AGL: variants seen among roughly 807,000 people sequenced by gnomAD.
AGL encodes the protein glycogen debranching enzyme.
In AGL, 128 loss-of-function variants were observed where a neutral mutation model predicts 199.3. That is an observed-to-expected ratio of 0.64 (90% CI 0.56 to 0.74). AGL has a LOEUF of 0.74. AGL is among the 30% of genes least tolerant of loss of function. The probability of loss-of-function intolerance (pLI) is 0.00; values close to 1 mark genes in which losing one functional copy is unlikely to be tolerated. For missense variants in AGL, 1,809 were observed against 1,820.8 expected, an observed-to-expected ratio of 0.99 and a Z score of 0.12; for synonymous variants, 584 against 594.7, an observed-to-expected ratio of 0.98 and a Z score of 0.26.
In AGL at chr1:99,892,451, A is replaced by G. The variant is rs765807003; in HGVS notation, c.3103A>G (p.Thr1035Ala). Reference sequence around the variant, plus strand: ...TTACAGCTTTGTTCAGAATGGTTCAACCTTTGTGAAACACCTTTCATTGGG... The same window carrying G: ...TTACAGCTTTGTTCAGAATGGTTCAGCCTTTGTGAAACACCTTTCATTGGG... ...QMSSFVQNGS[T>A]FVKHLSLGSV... Residue 1035 changes from threonine (T) to alanine (A), a missense_variant, in exon 24 of 34, where the codon ACC (threonine) becomes GCC (alanine). By Grantham distance (58) the Thr-to-Ala change is moderately conservative (BLOSUM62 0). Transcript: ENST00000361915. 14 of 1,613,530 alleles carry G rather than the reference A, an allele frequency of 8.7e-6. No homozygotes were observed. The highest frequency in any genetic ancestry group is 1.6e-4 in the Middle Eastern group (1 of 6,080).
At chr1:99,896,967 C>T (rs1166240976) in intron 25 of AGL, among the ~76,000 whole-genome samples, 1 of 152,146 alleles carries the variant, frequency 6.6e-6, no homozygotes, top group African/African-American at 2.4e-5. Context: ...CAGGCGCCCG[C>T]CACCACGCCC....
chr1:99,885,874 T>A (rs1652413624), intron 20 of AGL, among the ~76,000 whole-genome samples: 1 of 152,178 alleles, frequency 6.6e-6, no homozygotes, highest in East Asian at 1.9e-4. Flanking sequence ...ATAAATGTAA[T>A]GCACTTGAAT....
At chr1:99,866,124 T>C (rs528464074) in intron 5 of AGL, among the ~76,000 whole-genome samples, 28 of 152,084 alleles carry the variant, frequency 1.8e-4, no homozygotes, top group Non-Finnish European at 3.5e-4. Context: ...TGTAAAAAAA[T>C]TGTAAAGGAA....
At chr1:99,909,161 G>A (rs1265280009) in intron 27 of AGL, among the ~76,000 whole-genome samples, 1 of 151,916 alleles carries the variant, frequency 6.6e-6, no homozygotes, top group Non-Finnish European at 1.5e-5. Flanking sequence ...CAGGAGAGGG[G>A]AGCACTGTCC....
At chr1:99,856,173 C>T (rs1472364471) in intron 2 of AGL, among the ~76,000 whole-genome samples, 2 of 152,142 alleles carry the variant, frequency 1.3e-5, no homozygotes, top group Non-Finnish European at 2.9e-5. Flanking sequence ...TCTGATGTTT[C>T]ATTTACTGTA....
In AGL at chr1:99,881,543, G is replaced by A. The variant is rs778526669; in HGVS notation, c.2160G>A (p.Val720=). 3 of 1,613,942 alleles carry A rather than the reference G, an allele frequency of 1.9e-6. No homozygotes were observed. The highest frequency in any genetic ancestry group is 2.2e-5 in the South Asian group (2 of 91,072). ...QELGAKGFIQ[V]YVDQVDEDIV... ...TAGTTGTTCTTTCTGCTTCTCAGGT[G>A]TATGTGGATCAAGTTGATGAAGACA... The change falls in exon 17 of 34, where the codon GTG becomes GTA. Residue 720 remains valine, a splice_region_variant and synonymous_variant. Transcript: ENST00000361915.
chr1:99,876,738 C>G, intron 11 of AGL, 141 bp downstream of exon 11: 1 of 1,019,552 alleles, frequency 9.8e-7, no homozygotes, highest in Non-Finnish European at 1.5e-6. Flanking sequence ...GAGATACATA[C>G]AATTTGAGAA....
intron 21 of AGL, among the ~76,000 whole-genome samples, chr1:99,890,363 AT>A (rs2100785604): frequency 6.9e-6 from 1 of 144,820 alleles, no homozygotes; most frequent in South Asian, 2.2e-4. Context: ...GTAGAATATT[AT>A]TTTATAGTCT....
intron 7 of AGL, 124 bp downstream of exon 7, chr1:99,870,993 A>G (rs1650951924): frequency 5.9e-6 from 4 of 677,094 alleles, no homozygotes; most frequent in East Asian, 2.9e-5. Context: ...GTTATTGTTG[A>G]TATTATAAAA....
chr1:99,900,934 A>G, intron 26 of AGL, 73 bp downstream of exon 26: 1 of 1,294,876 alleles, frequency 7.7e-7, no homozygotes, highest in Non-Finnish European at 1.1e-6. Flanking sequence ...TTTCTAATGT[A>G]AAAATAAGGG....
At position 99,922,362 on chromosome 1, in the gene AGL, C is replaced by T. The variant is rs2100905472; in HGVS notation, c.*711C>T. On this transcript the variant is annotated 3_prime_UTR_variant, in exon 34 of 34. Transcript: ENST00000361915. Reference sequence around the variant, plus strand: ...CTATTGAGTATTATAAGATAGCTTACATTTTCAAAATGGAAATTGTCGGTC... The same window carrying T: ...CTATTGAGTATTATAAGATAGCTTATATTTTCAAAATGGAAATTGTCGGTC... The T allele has an allele frequency of 6.6e-6, 1 of 151,784 alleles. No individual in the cohort carries two copies. The highest frequency in any genetic ancestry group is 2.4e-5 in the African/African-American group (1 of 41,516). 9.4% of individuals were successfully genotyped at this position (151,784 alleles called of 1,614,324 possible). A position where few individuals can be genotyped will look rare whatever the true frequency, so the allele number is the denominator to read the frequency against.
rs1350055804 is a variant in AGL at position 99,870,784 on chromosome 1, T to A, written c.873T>A (p.Asp291Glu). Residue 291 changes from aspartate (D) to glutamate (E), a missense_variant, in exon 7 of 34, where the codon GAT (aspartate) becomes GAA (glutamate). Coordinates refer to ENST00000361915, the MANE Select transcript of AGL (RefSeq NM_000642.3). ...CCATCCGAAAAATAATTTGGGAGGA[T>A]ATTTTTCCAAAGCTTAAACTCTGGG... ...MNSIRKIIWE[D>E]IFPKLKLWEF... 6.2e-7 allele frequency: 1 copy of A among 1,609,752 alleles called. No individual in the cohort carries two copies. Among genetic ancestry groups the A allele is most frequent in the Non-Finnish European group, 8.5e-7 (1 of 1,176,460 alleles).
chr1:99,862,563 GA>G (rs1314776219), intron 4 of AGL, 140 bp downstream of exon 4: 1 of 982,222 alleles, frequency 1.0e-6, no homozygotes, highest in Non-Finnish European at 1.5e-6. Context: ...AATTTATAAA[GA>G]AAAGAGGTTT....
At position 99,884,108 on chromosome 1, in the gene AGL, A is replaced by T; in HGVS notation, c.2309-12A>T. ...TATGAAATTTTGTTAAAATGTTTTT[A>T]TGTATTCCTAGGCAAAATTGAAGAA... On this transcript the variant is annotated splice_polypyrimidine_tract_variant and intron_variant, in intron 17 of 33. Coordinates refer to ENST00000361915, the MANE Select transcript of AGL (RefSeq NM_000642.3). The T allele has an allele frequency of 6.2e-7, 1 of 1,606,278 alleles. No individual in the cohort carries two copies. The highest frequency in any genetic ancestry group is 1.1e-5 in the South Asian group (1 of 90,724).
At chr1:99,860,074 T>A (rs559987778) in intron 2 of AGL, among the ~76,000 whole-genome samples, 1 of 152,288 alleles carries the variant, frequency 6.6e-6, no homozygotes, top group African/African-American at 2.4e-5. Context: ...ATAAACATTC[T>A]TAATATATTA....
chr1:99,877,534 C>G (rs1272620480), intron 11 of AGL, 107 bp from the exon 12 acceptor site: 3 of 979,148 alleles, frequency 3.1e-6, no homozygotes, highest in Non-Finnish European at 3.2e-6. Context: ...ACCAATATAT[C>G]ATTTATGGCA....
At chr1:99,908,881 G>A (rs1209434383) in intron 27 of AGL, among the ~76,000 whole-genome samples, 1 of 152,186 alleles carries the variant, frequency 6.6e-6, no homozygotes, top group East Asian at 1.9e-4. Flanking sequence ...TGGGCTATCA[G>A]GAGGCCACTC....
intron 19 of AGL, 35 bp downstream of exon 19, chr1:99,884,486 T>TA (rs767922085): frequency 6.2e-7 from 1 of 1,600,924 alleles, no homozygotes; most frequent in South Asian, 1.1e-5. Flanking sequence ...TGACTTTACT[T>TA]ATATTTAAAA....
chr1:99,874,900 T>G, intron 8 of AGL, 90 bp downstream of exon 8: 1 of 1,444,326 alleles, frequency 6.9e-7, no homozygotes, highest in Middle Eastern at 1.8e-4. Flanking sequence ...TTAAAAACGC[T>G]TAATAGAAAA....
Sources: gnomAD v4.1 joint callset for allele counts (sites outside exome capture counted in the v4.1 genomes callset) on GRCh38, gnomAD v4.1.1 for gene constraint, MANE v1.5 for transcripts, NCBI Gene and HGNC (gene_info 2026-07-23, HGNC 2026-07-21) for gene names.